Variants in PAIP2 observed in about 807,000 individuals in gnomAD.
The protein encoded by PAIP2 is polyadenylate-binding protein-interacting protein 2.
A neutral mutation model predicts 14.8 loss-of-function variants in PAIP2; 7 were observed. The observed-to-expected ratio is 0.47, with a 90% CI of 0.27 to 0.89. The LOEUF is 0.89. Ranked by LOEUF, PAIP2 falls within the 40% of genes least tolerant of loss-of-function variation. The probability of loss-of-function intolerance (pLI) is 0.13; values close to 1 mark genes in which losing one functional copy is unlikely to be tolerated. For missense variants in PAIP2, 122 were observed against 154.7 expected (o/e 0.79, Z 1.12); for synonymous variants, 47 against 45.3 (o/e 1.04, Z -0.15).
chr5:139,348,574 G>T (rs1298399118), intron 1 of PAIP2, among the ~76,000 whole-genome samples: 4 of 151,736 alleles, frequency 2.6e-5, no homozygotes, highest in Non-Finnish European at 4.4e-5. Context: ...AGCCAAGATG[G>T]TCTAGATCTC....
In PAIP2 at chr5:139,368,777, G is replaced by A. The variant is rs1757464404; in HGVS notation, c.363G>A (p.Gly121=). ...CAAATGCAAAGGAGTTTGTTCCTGG[G>A]GTGAAGTACGGAAATATTTGAGTAG... is the stretch of plus-strand genomic sequence containing the variant. ...LNPNAKEFVP[G]VKYGNI is the part of the protein sequence containing the mutation. The change falls in exon 4 of 4, where the codon GGG becomes GGA. Residue 121 remains glycine, a synonymous_variant. Coordinates refer to ENST00000265192, the MANE Select transcript of PAIP2 (RefSeq NM_016480.5). 6.2e-7 allele frequency: 1 copy of A among 1,613,004 alleles called. No homozygotes were observed. The highest frequency in any genetic ancestry group is 8.5e-7 in the Non-Finnish European group (1 of 1,179,120).
At chr5:139,342,077 G>C (rs554985542) in intron 1 of PAIP2, 97 bp downstream of exon 1, 1 of 152,766 alleles carries the variant, frequency 6.5e-6, no homozygotes, top group Admixed American at 6.5e-5. Flanking sequence ...TCCCTGGGTG[G>C]TTGGCCACCG....
intron 1 of PAIP2, among the ~76,000 whole-genome samples, chr5:139,356,851 C>T (rs1001701729): frequency 6.9e-6 from 1 of 144,568 alleles, no homozygotes; most frequent in Non-Finnish European, 1.5e-5. Context: ...TGAGCCACTG[C>T]ACTTCAGCCT....
intron 1 of PAIP2, among the ~76,000 whole-genome samples, chr5:139,357,044 C>A (rs1756937486): frequency 6.6e-6 from 1 of 152,036 alleles, no homozygotes; most frequent in African/African-American, 2.4e-5. Flanking sequence ...GTGTGTGTGG[C>A]CATTGAAATC....
chr5:139,357,628 C>T (rs531937360), intron 1 of PAIP2, among the ~76,000 whole-genome samples: 9 of 152,040 alleles, frequency 5.9e-5, no homozygotes, highest in Non-Finnish European at 1.5e-5. Flanking sequence ...GTCAAGAGAT[C>T]GAGACCATCC....
At chr5:139,355,460 C>T (rs1051380822) in intron 1 of PAIP2, among the ~76,000 whole-genome samples, 1 of 152,224 alleles carries the variant, frequency 6.6e-6, no homozygotes, top group African/African-American at 2.4e-5. Flanking sequence ...GCGTAAGCCA[C>T]CACGGCCCAC....
chr5:139,343,715 T>G lies in PAIP2; in HGVS notation c.-27+1735T>G, dbSNP rs563943137. ...GTGAAATGGGCAGAGCAAGTTTTTT[T>G]TTTTTTTTTTTTTTGAGATGGAGTC... On this transcript the variant is annotated intron_variant, in intron 1 of 3. Transcript: ENST00000265192. Among the ~76,000 whole-genome samples, 40 of 148,374 alleles carry G rather than the reference T, an allele frequency of 2.7e-4. No homozygotes were observed. The South Asian group carries it at 6.8e-3, about 25-fold the overall frequency.
intron 1 of PAIP2, among the ~76,000 whole-genome samples, chr5:139,348,952 A>G (rs1756641912): frequency 6.6e-6 from 1 of 152,214 alleles, no homozygotes; most frequent in Admixed American, 6.5e-5. Flanking sequence ...CTGGGATTAC[A>G]AGCGTGAGCC....
intron 1 of PAIP2, among the ~76,000 whole-genome samples, chr5:139,348,738 C>T (rs1362010706): frequency 6.7e-6 from 1 of 148,728 alleles, no homozygotes; most frequent in Non-Finnish European, 1.5e-5. Flanking sequence ...AAGTGCAGGA[C>T]ACAGTCTTGG....
At chr5:139,363,987 C>T in intron 2 of PAIP2, 65 bp downstream of exon 2, 1 of 1,387,068 alleles carries the variant, frequency 7.2e-7, no homozygotes, top group South Asian at 1.2e-5. Context: ...TGTACTTGTC[C>T]CTGAAATGTG....
rs72552210 is a variant in PAIP2 at position 139,367,870 on chromosome 5, A to G, written c.319-863A>G. Reference sequence around the variant, plus strand: ...GTTACTGGATTTCTGGTTACACTTAAGCAAACTGAATTTCAATTCCTATTT... The same window carrying G: ...GTTACTGGATTTCTGGTTACACTTAGGCAAACTGAATTTCAATTCCTATTT... On this transcript the variant is annotated intron_variant, in intron 3 of 3. Coordinates refer to ENST00000265192, the MANE Select transcript of PAIP2 (RefSeq NM_016480.5). Among the ~76,000 whole-genome samples, 1,193 of 152,308 alleles carry G rather than the reference A, an allele frequency of 7.8e-3. 20 individuals are homozygous for G. The highest frequency in any genetic ancestry group is 0.04 in the East Asian group (206 of 5,192).
intron 3 of PAIP2, 60 bp downstream of exon 3, chr5:139,364,803 C>T: frequency 9.1e-7 from 1 of 1,102,734 alleles, no homozygotes; most frequent in Non-Finnish European, 1.3e-6. Context: ...AGTGGAAAAG[C>T]CAGCTCCCAT....
At chr5:139,346,332 C>T (rs1193970954) in intron 1 of PAIP2, among the ~76,000 whole-genome samples, 1 of 152,212 alleles carries the variant, frequency 6.6e-6, no homozygotes, top group Non-Finnish European at 1.5e-5. Flanking sequence ...ACCTCCGCCT[C>T]CCAGGTTCCA....
At chr5:139,362,649 A>G (rs1422303536) in intron 1 of PAIP2, among the ~76,000 whole-genome samples, 1 of 151,870 alleles carries the variant, frequency 6.6e-6, no homozygotes, top group Non-Finnish European at 1.5e-5. Flanking sequence ...ACCTCAGGTG[A>G]TCCACCTGCC....
At chr5:139,342,226 C>G (rs1315891124) in intron 1 of PAIP2, among the ~76,000 whole-genome samples, 2 of 152,028 alleles carry the variant, frequency 1.3e-5, no homozygotes, top group Non-Finnish European at 2.9e-5. Flanking sequence ...TTGGATCTCG[C>G]AGCTCTCTAT....
chr5:139,345,184 C>T (rs1008664714), intron 1 of PAIP2, among the ~76,000 whole-genome samples: 8 of 151,766 alleles, frequency 5.3e-5, no homozygotes, highest in Admixed American at 1.3e-4. Flanking sequence ...TAGCTGCACC[C>T]GACACCACAC....
chr5:139,341,887 G>T lies in PAIP2; in HGVS notation c.-120G>T, dbSNP rs902444622. The T allele has an allele frequency of 6.5e-6, 1 of 152,896 alleles. No homozygotes were observed. The highest frequency in any genetic ancestry group is 1.5e-5 in the Non-Finnish European group (1 of 68,224). 9.5% of individuals were successfully genotyped at this position (152,896 alleles called of 1,614,324 possible). On this transcript the variant is annotated 5_prime_UTR_variant, in exon 1 of 4. Coordinates refer to ENST00000265192, the MANE Select transcript of PAIP2 (RefSeq NM_016480.5). ...GGACTGGAGAAGGGAGGCGGCGGGC[G>T]AAGCGCACGTCGAGCGGGGGAGCGG...
At chr5:139,361,914 C>T (rs778966774) in intron 1 of PAIP2, among the ~76,000 whole-genome samples, 22 of 139,942 alleles carry the variant, frequency 1.6e-4, no homozygotes, top group Admixed American at 4.0e-4. Context: ...CCACTGCACT[C>T]GTCTGGGTGA....
At chr5:139,359,584 G>T (rs1439353806) in intron 1 of PAIP2, among the ~76,000 whole-genome samples, 1 of 152,140 alleles carries the variant, frequency 6.6e-6, no homozygotes, top group Non-Finnish European at 1.5e-5. Flanking sequence ...CAGTTGTGAG[G>T]CAGGATCAAT....
Sources: gnomAD v4.1 joint callset for allele counts (sites outside exome capture counted in the v4.1 genomes callset) on GRCh38, gnomAD v4.1.1 for gene constraint, MANE v1.5 for transcripts, NCBI Gene and HGNC (gene_info 2026-07-23, HGNC 2026-07-21) for gene names.